CACNA1E: variants seen among roughly 807,000 people sequenced by gnomAD.
CACNA1E encodes calcium voltage-gated channel subunit alpha1 E, also known as voltage-dependent R-type calcium channel subunit alpha-1E.
In CACNA1E, 40 loss-of-function variants were observed where a neutral mutation model predicts 259.2. That is an observed-to-expected ratio of 0.15 (90% CI 0.12 to 0.20). The LOEUF (loss-of-function observed/expected upper bound fraction) is 0.20. Among genes scored for constraint, CACNA1E ranks in the 10% least tolerant of loss-of-function variants. CACNA1E has a pLI of 1.00. For synonymous variants in CACNA1E, 1,104 were observed against 1,138.5 expected, an observed-to-expected ratio of 0.97 and a Z score of 0.61; for missense variants, 1,874 against 3,040.1, an observed-to-expected ratio of 0.62 and a Z score of 9.02.
chr1:181,792,635 G>A (rs1314664200), intron 44 of CACNA1E, among the ~76,000 whole-genome samples: 1 of 151,784 alleles, frequency 6.6e-6, no homozygotes, highest in African/African-American at 2.4e-5. Flanking sequence ...GGTCACATAG[G>A]CTAAGGTGGG....
intron 1 of CACNA1E, among the ~76,000 whole-genome samples, chr1:181,507,879 G>A (rs926600790): frequency 1.3e-5 from 2 of 152,188 alleles, no homozygotes; most frequent in African/African-American, 4.8e-5. Flanking sequence ...GTTTCCAGCT[G>A]TGAGGAGTGA....
intron 2 of CACNA1E, among the ~76,000 whole-genome samples, chr1:181,431,117 A>T (rs1431131306): frequency 1.7e-5 from 2 of 119,424 alleles, no homozygotes; most frequent in East Asian, 2.4e-4. Context: ...TTTAAAAAAT[A>T]AAAAAAAAAG....
chr1:181,379,464 T>A (rs1655316801), intron 1 of CACNA1E, among the ~76,000 whole-genome samples: 1 of 152,242 alleles, frequency 6.6e-6, no homozygotes, highest in South Asian at 2.1e-4. Flanking sequence ...TATGTTTTAG[T>A]CGGTTTGAAC....
rs748746104 is a variant in CACNA1E at position 181,718,122 on chromosome 1, G to A, written c.1593G>A (p.Gly531=). 14 of 1,611,562 alleles carry A rather than the reference G, an allele frequency of 8.7e-6. No individual in the cohort carries two copies. Among genetic ancestry groups the A allele is most frequent in the South Asian group, 1.1e-5 (1 of 90,978 alleles). ...TGTCCCTGAAGATGTATGGCATGGG[G>A]CCTCGCCTTTATTTTCACTCTTCAT... The part of the protein sequence containing the change: ...LEMSLKMYGM[G]PRLYFHSSFN... Residue 531 remains glycine (G), a synonymous_variant, in exon 12 of 48, where the codon GGG becomes GGA. Transcript: ENST00000367573.
Position 181,736,351 on chromosome 1 carries a change from G to T in CACNA1E, c.3339G>T (p.Lys1113Asn). Residue 1113 changes from lysine to asparagine, a missense_variant, in exon 22 of 48, where the codon AAG (lysine) becomes AAT (asparagine). Coordinates refer to ENST00000367573, the MANE Select transcript of CACNA1E (RefSeq NM_001205293.3). ...GAGAGGATGAGGAGGAGGTGGAGAA[G>T]AAGAAGCAGAAGAAGGAGAAGCGTG... is the stretch of plus-strand genomic sequence containing the variant. ...EIREDEEEVE[K>N]KKQKKEKRET... The T allele has an allele frequency of 6.2e-7, 1 of 1,609,986 alleles. No homozygotes were observed. Among genetic ancestry groups the T allele is most frequent in the Non-Finnish European group, 8.5e-7 (1 of 1,177,990 alleles).
At chr1:181,728,059 A>G (rs72735234) in intron 18 of CACNA1E, among the ~76,000 whole-genome samples, 13,440 of 152,198 alleles carry the variant, frequency 0.088, 723 homozygotes, top group Middle Eastern at 0.15. Context: ...GGGAAATGCC[A>G]AAGATTGATA....
At position 181,421,054 on chromosome 1, in the gene CACNA1E, C is replaced by G. The variant is rs558545725; in HGVS notation, c.434+7474C>G. Among the ~76,000 whole-genome samples, 3 of 152,250 alleles carry G rather than the reference C, an allele frequency of 2.0e-5. No homozygotes were observed. In the South Asian group the frequency reaches 6.2e-4, roughly 32 times the overall value. On this transcript the variant is annotated intron_variant, in intron 2 of 11. Transcript: ENST00000524607. ...GATTTTTCATATTGGGAAACTGAGG[C>G]TTGATAAGGTTAAGTTACCTGCCCA... is the stretch of plus-strand genomic sequence containing the variant.
intron 7 of CACNA1E, among the ~76,000 whole-genome samples, chr1:181,700,740 C>G (rs1199777103): frequency 6.6e-6 from 1 of 152,210 alleles, no homozygotes; most frequent in Non-Finnish European, 1.5e-5. Flanking sequence ...TGAATCAAAA[C>G]TCCTATACAT....
intron 3 of CACNA1E, among the ~76,000 whole-genome samples, chr1:181,563,420 G>T (rs1649518183): frequency 6.6e-6 from 1 of 152,100 alleles, no homozygotes; most frequent in Non-Finnish European, 1.5e-5. Flanking sequence ...ATATTTCCCA[G>T]ACTGCCCAAA....
intron 6 of CACNA1E, among the ~76,000 whole-genome samples, chr1:181,614,058 A>G (rs1023465974): frequency 2.6e-5 from 4 of 152,202 alleles, no homozygotes; most frequent in Non-Finnish European, 5.9e-5. Context: ...AAATCAAATT[A>G]GTCTATAGGT....
chr1:181,329,691 C>G (rs1651088588), intron 1 of CACNA1E, among the ~76,000 whole-genome samples: 2 of 152,196 alleles, frequency 1.3e-5, no homozygotes, highest in African/African-American at 2.4e-5. Flanking sequence ...ACAACTGCCA[C>G]CCCTCACCCT....
At chr1:181,678,443 A>T (rs1452284826) in intron 7 of CACNA1E, among the ~76,000 whole-genome samples, 1 of 152,214 alleles carries the variant, frequency 6.6e-6, no homozygotes, top group Non-Finnish European at 1.5e-5. Context: ...AACAATAATG[A>T]TAATAAAACA....
At chr1:181,356,415 C>G (rs1229206726) in intron 1 of CACNA1E, among the ~76,000 whole-genome samples, 1 of 152,154 alleles carries the variant, frequency 6.6e-6, no homozygotes, top group Non-Finnish European at 1.5e-5. Flanking sequence ...ACTGTTTGCT[C>G]TGCATCTAAC....
At chr1:181,488,224 C>T (rs1471463889) in intron 1 of CACNA1E, among the ~76,000 whole-genome samples, 1 of 152,166 alleles carries the variant, frequency 6.6e-6, no homozygotes, top group African/African-American at 2.4e-5. Flanking sequence ...AAATGTATAG[C>T]ACATTGCAGG....
intron 1 of CACNA1E, among the ~76,000 whole-genome samples, chr1:181,382,732 C>T (rs1416587128): frequency 2.0e-5 from 3 of 152,186 alleles, no homozygotes; most frequent in African/African-American, 4.8e-5. Context: ...TCCTTTAAAG[C>T]TTCCCGTGTG....
At chr1:181,720,075 C>T in intron 13 of CACNA1E, 131 bp from the exon 14 acceptor site, 1 of 1,103,426 alleles carries the variant, frequency 9.1e-7, no homozygotes, top group South Asian at 1.6e-5. Context: ...CAATAGGTTT[C>T]TGCCCTCTTT....
At chr1:181,590,416 A>AATATATATAT (rs67459960) in intron 6 of CACNA1E, among the ~76,000 whole-genome samples, 2 of 115,880 alleles carry the variant, frequency 1.7e-5, no homozygotes, top group Non-Finnish European at 3.4e-5. Flanking sequence ...AAAAAAAAAA[A>AATATATATAT]ATATATATAT....
chr1:181,641,837 C>G (rs1657810008), intron 6 of CACNA1E, among the ~76,000 whole-genome samples: 1 of 150,092 alleles, frequency 6.7e-6, no homozygotes, highest in Non-Finnish European at 1.5e-5. Context: ...CCTCAGCCTC[C>G]TGAGTAGCTG....
At chr1:181,783,300 A>G (rs1402522478) in intron 39 of CACNA1E, among the ~76,000 whole-genome samples, 4 of 152,176 alleles carry the variant, frequency 2.6e-5, no homozygotes, top group African/African-American at 9.7e-5. Flanking sequence ...TTGAACAGGA[A>G]ATGGAGCCAC....
Sources: allele counts gnomAD v4.1 joint callset (sites outside exome capture counted in the v4.1 genomes callset), GRCh38; gene constraint gnomAD v4.1.1; transcripts MANE v1.5; gene names NCBI Gene and HGNC (gene_info 2026-07-23, HGNC 2026-07-21).